Variants in STXBP6 observed in about 807,000 individuals in gnomAD.
The protein encoded by STXBP6 is syntaxin-binding protein 6.
Under a neutral mutation model 26.9 loss-of-function variants are expected in STXBP6, and 21 were observed. The observed-to-expected ratio is 0.78, with a 90% confidence interval of 0.55 to 1.12. STXBP6 has a LOEUF of 1.12. STXBP6 is among the 50% of genes most tolerant of loss of function. The pLI, the probability that STXBP6 is intolerant of heterozygous loss-of-function variation, is 0.00. For synonymous variants in STXBP6, 97 were observed against 92.6 expected (o/e 1.05, Z -0.27); for missense variants, 232 against 257.9 (o/e 0.90, Z 0.69).
chr14:24,963,510 A>T (rs942642522), intron 2 of STXBP6, among the ~76,000 whole-genome samples: 3 of 152,198 alleles, frequency 2.0e-5, no homozygotes, highest in Non-Finnish European at 4.4e-5. Flanking sequence ...TTGTGTGAAA[A>T]GGGTGGAGGT....
chr14:24,947,742 AAAAGCCC>A (rs1388024662), intron 2 of STXBP6, among the ~76,000 whole-genome samples: 1 of 152,194 alleles, frequency 6.6e-6, no homozygotes, highest in African/African-American at 2.4e-5. Context: ...TAATGACAAA[AAAAGCCC>A]AAATCCACAC....
intron 1 of STXBP6, among the ~76,000 whole-genome samples, chr14:25,025,808 A>G (rs2075339109): frequency 6.6e-6 from 1 of 152,244 alleles, no homozygotes; most frequent in Non-Finnish European, 1.5e-5. Flanking sequence ...ATGAAGTCAG[A>G]GGATTCTTTC....
At chr14:24,994,187 C>G (rs17109457) in intron 1 of STXBP6, among the ~76,000 whole-genome samples, 17,302 of 152,138 alleles carry the variant, frequency 0.11, 1,067 homozygotes, top group African/African-American at 0.14. Context: ...GAAAGAGACT[C>G]TAAAAATGGG....
intron 2 of STXBP6, among the ~76,000 whole-genome samples, chr14:24,913,301 GA>G (rs1045133794): frequency 6.6e-6 from 1 of 152,130 alleles, no homozygotes; most frequent in Non-Finnish European, 1.5e-5. Context: ...TAGTTAACAG[GA>G]ATGTATTATA....
chr14:24,873,638 T>C (rs1343027775), intron 2 of STXBP6, among the ~76,000 whole-genome samples: 4 of 152,204 alleles, frequency 2.6e-5, no homozygotes, highest in Non-Finnish European at 5.9e-5. Context: ...TAGAAGGAAG[T>C]ACGGGAAAGG....
chr14:24,814,182 T>C (rs1169272206), intron 5 of STXBP6, among the ~76,000 whole-genome samples: 4 of 152,162 alleles, frequency 2.6e-5, no homozygotes, highest in Admixed American at 6.5e-5. Context: ...TAGAGGTGGC[T>C]AAGGACTCCT....
intron 2 of STXBP6, among the ~76,000 whole-genome samples, chr14:24,888,216 G>A (rs1201188237): frequency 6.6e-6 from 1 of 152,168 alleles, no homozygotes; most frequent in Non-Finnish European, 1.5e-5. Context: ...AAATGAAATG[G>A]AAGAGAACAC....
intron 2 of STXBP6, among the ~76,000 whole-genome samples, chr14:24,902,378 T>C (rs2071243868): frequency 6.6e-6 from 1 of 152,190 alleles, no homozygotes; most frequent in African/African-American, 2.4e-5. Context: ...ATATAGAGTG[T>C]ATATGGTTGC....
intron 2 of STXBP6, among the ~76,000 whole-genome samples, chr14:24,914,640 C>A (rs201965370): frequency 6.6e-6 from 1 of 152,198 alleles, no homozygotes; most frequent in Middle Eastern, 3.2e-3. Context: ...CACAACTCTG[C>A]TGGCTCCCTG....
chr14:24,939,983 C>T lies in STXBP6; in HGVS notation c.154+34682G>A, dbSNP rs537019842. On this transcript the variant is annotated intron_variant, in intron 2 of 5. Coordinates refer to ENST00000323944, the MANE Select transcript of STXBP6 (RefSeq NM_001394410.1). ...ATCCTCAAAAAGAAGAGTCCTGGTG[C>T]CTGTCTGCACAGTATCTTGAAGAGG... Among the ~76,000 whole-genome samples the T allele has an allele frequency of 5.9e-5, 9 of 152,272 alleles. No individual in the cohort carries two copies. The South Asian group carries it at 1.9e-3, about 32-fold the overall frequency.
chr14:24,870,802 G>T (rs1346971361), intron 2 of STXBP6, among the ~76,000 whole-genome samples: 1 of 152,124 alleles, frequency 6.6e-6, no homozygotes. Context: ...GTCCTCCATT[G>T]ACCCTAGCTG....
intron 1 of STXBP6, among the ~76,000 whole-genome samples, chr14:25,045,235 G>A (rs996452709): frequency 2.6e-5 from 4 of 152,108 alleles, no homozygotes; most frequent in South Asian, 4.2e-4. Context: ...AGTTTTTGTC[G>A]TTGATATAGT....
chr14:24,996,083 A>G (rs1595278485), intron 1 of STXBP6, among the ~76,000 whole-genome samples: 1 of 152,182 alleles, frequency 6.6e-6, no homozygotes, highest in Non-Finnish European at 1.5e-5. Flanking sequence ...CACCCCAAGT[A>G]GTTGAAATAA....
At chr14:24,836,768 AAG>A (rs1397125479) in intron 4 of STXBP6, among the ~76,000 whole-genome samples, 1 of 152,174 alleles carries the variant, frequency 6.6e-6, no homozygotes, top group Non-Finnish European at 1.5e-5. Flanking sequence ...TGAATGGAAA[AAG>A]AGATTTTTCT....
At chr14:24,850,137 A>T (rs767045194) in intron 4 of STXBP6, among the ~76,000 whole-genome samples, 2 of 152,164 alleles carry the variant, frequency 1.3e-5, no homozygotes, top group Non-Finnish European at 2.9e-5. Context: ...GACACGCACA[A>T]GGTGAAATAG....
chr14:24,876,119 C>T (rs2070134728), intron 2 of STXBP6, among the ~76,000 whole-genome samples: 2 of 152,072 alleles, frequency 1.3e-5, no homozygotes, highest in Admixed American at 6.6e-5. Context: ...AAAAGAGAAG[C>T]AAGGCAGATC....
At chr14:24,869,904 G>C (rs1357147091) in intron 2 of STXBP6, among the ~76,000 whole-genome samples, 1 of 152,132 alleles carries the variant, frequency 6.6e-6, no homozygotes, top group African/African-American at 2.4e-5. Context: ...GGGGTTCAGG[G>C]ATAGAGCTCA....
At chr14:24,880,839 G>A (rs545742755) in intron 2 of STXBP6, among the ~76,000 whole-genome samples, 36 of 152,302 alleles carry the variant, frequency 2.4e-4, no homozygotes, top group African/African-American at 8.7e-4. Flanking sequence ...AGAGGGCAGA[G>A]AAGAAGAGTT....
chr14:24,952,244 A>G (rs1191649638), intron 2 of STXBP6, among the ~76,000 whole-genome samples: 2 of 151,558 alleles, frequency 1.3e-5, no homozygotes, highest in Admixed American at 1.3e-4. Flanking sequence ...AATTCCATTA[A>G]GACAAATAAG....
Sources: allele counts gnomAD v4.1 joint callset (sites outside exome capture counted in the v4.1 genomes callset), GRCh38; gene constraint gnomAD v4.1.1; transcripts MANE v1.5; gene names NCBI Gene and HGNC (gene_info 2026-07-23, HGNC 2026-07-21).